The following GRB7 variants were observed in gnomAD, a reference collection of about 807,000 sequenced individuals.
The protein encoded by GRB7 is growth factor receptor-bound protein 7.
In GRB7, 47 loss-of-function variants were observed where a neutral mutation model predicts 64.1. The observed-to-expected ratio is 0.73, with a 90% CI of 0.58 to 0.94. The LOEUF is 0.94. Among genes scored for constraint, GRB7 ranks in the 40% least tolerant of loss-of-function variants. The pLI is 0.00. For synonymous variants in GRB7, 277 were observed against 279.9 expected, an observed-to-expected ratio of 0.99 and a Z score of 0.10; for missense variants, 634 against 718.4, an observed-to-expected ratio of 0.88 and a Z score of 1.34.
intron 7 of GRB7, 71 bp from the exon 8 acceptor site, chr17:39,744,482 C>G: frequency 7.9e-7 from 1 of 1,270,992 alleles, no homozygotes; most frequent in Non-Finnish European, 1.1e-6. Flanking sequence ...ATCTCCCCAC[C>G]TGGCTTGTGG....
In GRB7 at chr17:39,744,166, C is replaced by T. The variant is rs769298654; in HGVS notation, c.760C>T (p.Arg254Cys). 26 of 1,613,942 alleles carry T rather than the reference C, an allele frequency of 1.6e-5. No homozygotes were observed. The highest frequency in any genetic ancestry group is 4.0e-5 in the African/African-American group (3 of 74,860). ...TTGGAAACGCTTTTTCTGCTTCTTG[C>T]GCCGATCTGGCCTCTATTACTCCAC... ...KLWKRFFCFL[R>C]RSGLYYSTKG... The change falls in exon 7 of 15, where the codon CGC (arginine) becomes TGC (cysteine). Residue 254 changes from arginine to cysteine, a missense_variant. Physicochemically the swap from Arg to Cys is radical, Grantham distance 180. Around this residue, in one of 2 missense-constraint regions of GRB7, gnomAD observed 467 missense variants for 576.6 expected, o/e 0.81. Transcript: ENST00000309156.
chr17:39,740,919 G>A (rs1034303838), intron 1 of GRB7, among the ~76,000 whole-genome samples: 25 of 152,100 alleles, frequency 1.6e-4, no homozygotes, highest in African/African-American at 6.0e-4. Flanking sequence ...TGCCCCAGGT[G>A]GCCTCATAGT....
chr17:39,739,089 G>T, intron 1 of GRB7: 1 of 541,326 alleles, frequency 1.8e-6, no homozygotes, highest in Non-Finnish European at 3.1e-6. Flanking sequence ...TCCCGGTCTG[G>T]GTCTCCCTGG....
Position 39,743,575 on chromosome 17 carries a change from C to G in GRB7, c.663+105C>G, listed in dbSNP as rs969614775. 1.0e-5 allele frequency: 9 copies of G among 888,784 alleles called. No individual in the cohort carries two copies. The African/African-American group carries it at 1.5e-4, about 15-fold the overall frequency. 55.1% of individuals were successfully genotyped at this position (888,784 alleles called of 1,614,324 possible). The stretch of plus-strand genomic sequence containing the variant: ...CTCCCCTCTATGTTGTAGAAAGAGC[C>G]AAATCACAGTCCTGTGTGACTGGGG... On this transcript the variant is annotated intron_variant, in intron 6 of 14. Transcript: ENST00000309156.
At chr17:39,740,574 C>A (rs1037631562) in intron 1 of GRB7, among the ~76,000 whole-genome samples, 1 of 152,224 alleles carries the variant, frequency 6.6e-6, no homozygotes, top group Admixed American at 6.5e-5. Flanking sequence ...GAGAGCAGAT[C>A]GTAGGTCCCA....
In GRB7 at chr17:39,745,944, G is replaced by A. The variant is rs747211077; in HGVS notation, c.1302G>A (p.Gly434=). 9 of 1,613,940 alleles carry A rather than the reference G, an allele frequency of 5.6e-6. No homozygotes were observed. In the African/African-American group the frequency reaches 1.2e-4, roughly 22 times the overall value. ...ACCGCACCCAACTCTGGTTCCACGG[G>A]CGCATTTCCCGTGAGGAGAGCCAGC... The part of the protein sequence containing the change: ...AIHRTQLWFH[G]RISREESQRL... Residue 434 remains glycine (G), a synonymous_variant, in exon 13 of 15, where the codon GGG becomes GGA. Coordinates refer to ENST00000309156, the MANE Select transcript of GRB7 (RefSeq NM_005310.5).
In GRB7 at chr17:39,744,115, C is replaced by T. The variant is rs1455175316; in HGVS notation, c.709C>T (p.Gln237Ter). 7.4e-6 allele frequency: 12 copies of T among 1,614,208 alleles called. No individual in the cohort carries two copies. The highest frequency in any genetic ancestry group is 1.0e-5 in the Non-Finnish European group (12 of 1,180,026). The change falls in exon 7 of 15, where the codon CAG (glutamine) becomes TAG (stop). Residue 237 changes from glutamine (Q) to a stop codon, truncating the protein, a stop_gained. Coordinates refer to ENST00000309156, the MANE Select transcript of GRB7 (RefSeq NM_005310.5). LOFTEE classifies it high-confidence loss of function. ...GSFPEIQGFL[Q>*]LRGSGRKLWK... The stretch of plus-strand genomic sequence containing the variant: ...CTTTCCTGAGATCCAGGGCTTTCTG[C>T]AGCTGCGGGGTTCAGGACGGAAGCT...
At position 39,738,271 on chromosome 17, in the gene GRB7, C is replaced by G. The variant is rs1053121437; in HGVS notation, c.-51+138C>G. ...GGATTGGAGCCACCTGGCTCTCCCC[C>G]TCCCCCGCTCGGTGATGTCAGGCCA... is the stretch of plus-strand genomic sequence containing the variant. On this transcript the variant is annotated intron_variant, in intron 1 of 14. Transcript: ENST00000309156. The G allele has an allele frequency of 2.0e-5, 3 of 152,396 alleles. No individual in the cohort carries two copies. In the East Asian group the frequency reaches 5.8e-4, roughly 29 times the overall value. 9.4% of individuals were successfully genotyped at this position (152,396 alleles called of 1,614,324 possible). A position where few individuals can be genotyped will look rare whatever the true frequency, so the allele number is the denominator to read the frequency against.
rs778709615 is a variant in GRB7, at chr17:39,743,002, C to T, written c.411C>T (p.Ala137=). Residue 137 remains alanine (A), a synonymous_variant, in exon 4 of 15, where the codon GCC becomes GCT. Transcript: ENST00000309156. ...VCEMLVQRAH[A]LSDETWGLVE... ...AAATGCTGGTGCAGCGAGCTCACGCCTTGAGCGACGAGACCTGGGGGCTGG... is the reference window on the plus strand; with the variant it reads ...AAATGCTGGTGCAGCGAGCTCACGCTTTGAGCGACGAGACCTGGGGGCTGG... 6.2e-7 allele frequency: 1 copy of T among 1,612,830 alleles called. No individual in the cohort carries two copies.
chr17:39,746,815 T>G lies in GRB7; in HGVS notation c.1517T>G (p.Leu506Arg). Residue 506 changes from leucine (L) to arginine (R), a missense_variant, in exon 15 of 15, where the codon CTG (leucine) becomes CGG (arginine). This residue lies in a region of GRB7 where 467 missense variants were observed against 576.6 expected (regional missense o/e 0.81). Transcript: ENST00000309156. ...GGCCAGACCCGCTTCACTGACCTGC[T>G]GCAGCTCGTGGAGTTCCACCAGCTG... ...DDGQTRFTDL[L>R]QLVEFHQLNR... The G allele has an allele frequency of 1.2e-6, 2 of 1,613,952 alleles. No individual in the cohort carries two copies. The highest frequency in any genetic ancestry group is 1.7e-6 in the Non-Finnish European group (2 of 1,180,026).
chr17:39,746,910 C>A lies in GRB7; in HGVS notation c.*13C>A, dbSNP rs750382086. On this transcript the variant is annotated 3_prime_UTR_variant, in exon 15 of 15. Coordinates refer to ENST00000309156, the MANE Select transcript of GRB7 (RefSeq NM_005310.5). The stretch of plus-strand genomic sequence containing the variant: ...GGTGGCCCTCTGACCAGGCCGTGGA[C>A]TGGCTCATGCCTCAGCCCGCCTTCA... 43 of 1,598,770 alleles carry A rather than the reference C, an allele frequency of 2.7e-5. No homozygotes were observed. The highest frequency in any genetic ancestry group is 3.5e-5 in the Non-Finnish European group (41 of 1,175,914).
chr17:39,744,198 C>A lies in GRB7; in HGVS notation c.792C>A (p.Gly264=), dbSNP rs2060023194. ...CTGGCCTCTATTACTCCACCAAGGG[C>A]ACCTCTAAGGTAAGGTCTTGAGGGT... The part of the protein sequence containing the change: ...RRSGLYYSTK[G]TSKDPRHLQY... The change falls in exon 7 of 15, where the codon GGC becomes GGA. Residue 264 remains glycine (G), a synonymous_variant. Coordinates refer to ENST00000309156, the MANE Select transcript of GRB7 (RefSeq NM_005310.5). The A allele has an allele frequency of 6.2e-7, 1 of 1,613,954 alleles. No homozygotes were observed. Among genetic ancestry groups the A allele is most frequent in the Non-Finnish European group, 8.5e-7 (1 of 1,179,994 alleles).
intron 7 of GRB7, 147 bp from the exon 8 acceptor site, chr17:39,744,406 A>G: frequency 1.2e-6 from 1 of 843,336 alleles, no homozygotes; most frequent in Non-Finnish European, 1.9e-6. Context: ...TCTTAGTTTA[A>G]GTCCTGGCTC....
At position 39,746,850 on chromosome 17, in the gene GRB7, A is replaced by C; in HGVS notation, c.1552A>C (p.Ile518Leu). ...GGAGTTCCACCAGCTGAACCGCGGC[A>C]TCCTGCCGTGCTTGCTGCGCCATTG... Reference protein sequence around the residue: ...LVEFHQLNRGILPCLLRHCCT... With the variant: ...LVEFHQLNRGLLPCLLRHCCT... The change falls in exon 15 of 15, where the codon ATC becomes CTC. Residue 518 changes from isoleucine (I) to leucine (L), a missense_variant. Transcript: ENST00000309156. The C allele has an allele frequency of 6.2e-7, 1 of 1,613,366 alleles. No individual in the cohort carries two copies. The highest frequency in any genetic ancestry group is 1.3e-5 in the African/African-American group (1 of 75,060).
intron 7 of GRB7, 101 bp downstream of exon 7, chr17:39,744,308 C>G: frequency 2.8e-6 from 4 of 1,408,790 alleles, no homozygotes; most frequent in Non-Finnish European, 3.9e-6. Flanking sequence ...CCCCCTGGGC[C>G]CCCCAGGCCA....
In GRB7 at chr17:39,747,052, T is replaced by A; in HGVS notation, c.*155T>A. On this transcript the variant is annotated 3_prime_UTR_variant, in exon 15 of 15. Coordinates refer to ENST00000309156, the MANE Select transcript of GRB7 (RefSeq NM_005310.5). ...TTTCTCCTCTGCTTCTTTGCCTCCC[T>A]CAGATAGAAAACAGCCCCCACTCCA... 1 of 807,082 alleles carries A rather than the reference T, an allele frequency of 1.2e-6. No homozygotes were observed. The highest frequency in any genetic ancestry group is 1.9e-6 in the Non-Finnish European group (1 of 526,784). 50.0% of individuals were successfully genotyped at this position (807,082 alleles called of 1,614,324 possible). A position where few individuals can be genotyped will look rare whatever the true frequency, so the allele number is the denominator to read the frequency against.
At position 39,742,139 on chromosome 17, in the gene GRB7, A is replaced by G. The variant is rs569745845; in HGVS notation, c.-50-113A>G. On this transcript the variant is annotated intron_variant, in intron 1 of 14. Transcript: ENST00000309156. ...ATGAGGCTCATTCTGTCCTTCCCCA[A>G]GGGCTTCAGGGAAACTCCAGTTAGA... is the stretch of plus-strand genomic sequence containing the variant. 2.8e-4 allele frequency: 208 copies of G among 736,704 alleles called. No individual in the cohort carries two copies. The African/African-American group carries it at 3.2e-3, about 11-fold the overall frequency. The allele number at this position is 736,704 out of a possible 1,614,324, so 45.6% of individuals were successfully genotyped here. A position where few individuals can be genotyped will look rare whatever the true frequency, so the allele number is the denominator to read the frequency against.
chr17:39,744,590 A>G lies in GRB7; in HGVS notation c.839A>G (p.Glu280Gly). 2 of 1,612,256 alleles carry G rather than the reference A, an allele frequency of 1.2e-6. No individual in the cohort carries two copies. Among genetic ancestry groups the G allele is most frequent in the South Asian group, 1.1e-5 (1 of 90,652 alleles). The change falls in exon 8 of 15, where the codon GAG becomes GGG. Residue 280 changes from glutamate (E) to glycine (G), a missense_variant. Physicochemically the swap from Glu to Gly is moderately conservative, Grantham distance 98. This residue lies in a region of GRB7 where 467 missense variants were observed against 576.6 expected (regional missense o/e 0.81). Coordinates refer to ENST00000309156, the MANE Select transcript of GRB7 (RefSeq NM_005310.5). ...RHLQYVADVN[E>G]SNVYVVTQGR... Reference sequence around the variant, plus strand: ...CTGCAGTACGTGGCAGATGTGAACGAGTCCAACGTGTACGTGGTGACGCAG... The same window carrying G: ...CTGCAGTACGTGGCAGATGTGAACGGGTCCAACGTGTACGTGGTGACGCAG...
chr17:39,746,613 T>G, intron 14 of GRB7, 138 bp from the exon 15 acceptor site: 1 of 1,183,698 alleles, frequency 8.4e-7, no homozygotes. Flanking sequence ...GAGAAAACTG[T>G]CTCAAAAAAA....
Sources: gnomAD v4.1 joint callset for allele counts (sites outside exome capture counted in the v4.1 genomes callset) on GRCh38, gnomAD v4.1.1 for gene constraint, gnomAD v4.1.1 regional missense constraint, MANE v1.5 for transcripts, NCBI Gene and HGNC (gene_info 2026-07-23, HGNC 2026-07-21) for gene names.